Variants in SHC4 observed in about 807,000 individuals in gnomAD.
SHC4 encodes SHC-transforming protein 4.
SHC4 carries 41 observed loss-of-function variants against 69.4 expected under a neutral mutation model. The ratio of observed to expected loss-of-function variants is 0.59; its 90% confidence interval spans 0.46 to 0.77. The LOEUF (loss-of-function observed/expected upper bound fraction) is 0.77, where lower values mean the gene tolerates loss of function less well. Among genes scored for constraint, SHC4 ranks in the 30% least tolerant of loss-of-function variants. SHC4 has a pLI of 0.00. For missense variants in SHC4, 777 were observed against 783.8 expected (o/e 0.99, Z 0.10); for synonymous variants, 318 against 299.3 (o/e 1.06, Z -0.64).
chr15:48,962,791 C>T lies in SHC4; in HGVS notation c.225G>A (p.Pro75=), dbSNP rs760030432. The T allele has an allele frequency of 1.2e-6, 2 of 1,611,262 alleles. No individual in the cohort carries two copies. The highest frequency in any genetic ancestry group is 1.7e-6 in the Non-Finnish European group (2 of 1,179,308). ...ACAGTGGGGTGGGGCTCTCCTGCGA[C>T]GGCAAGGTGGCATCTTCAGTCGGCA... is the stretch of plus-strand genomic sequence containing the variant. The part of the protein sequence containing the change: ...PHLPTEDATL[P]SQESPTPLCT... The change falls in exon 1 of 12, where the codon CCG becomes CCA. Residue 75 remains proline (P), a synonymous_variant. Coordinates refer to ENST00000332408, the MANE Select transcript of SHC4 (RefSeq NM_203349.4).
intron 6 of SHC4, among the ~76,000 whole-genome samples, chr15:48,858,963 T>C (rs1406304951): frequency 1.3e-5 from 2 of 152,192 alleles, no homozygotes; most frequent in African/African-American, 2.4e-5. Context: ...GGAAAGTATC[T>C]TGGGTCTCAG....
At position 48,834,909 on chromosome 15, in the gene SHC4, T is replaced by C; in HGVS notation, c.1597A>G (p.Arg533Gly). Residue 533 changes from arginine (R) to glycine (G), a missense_variant, in exon 11 of 12, where the codon AGG (arginine) becomes GGG (glycine). By Grantham distance (125) the Arg-to-Gly change is moderately radical. Coordinates refer to ENST00000332408, the MANE Select transcript of SHC4 (RefSeq NM_203349.4). Reference sequence around the variant, plus strand: ...ACCAAGAGGCTCTCTGCCGCCTTCCTGCTCAGCTTGCCATGATAGCATTCT... The same window carrying C: ...ACCAAGAGGCTCTCTGCCGCCTTCCCGCTCAGCTTGCCATGATAGCATTCT... ...SEECYHGKLS[R>G]KAAESLLVKD... 1.2e-6 allele frequency: 2 copies of C among 1,614,110 alleles called. No homozygotes were observed. The highest frequency in any genetic ancestry group is 1.7e-6 in the Non-Finnish European group (2 of 1,180,006).
chr15:48,835,127 A>T, intron 10 of SHC4, 105 bp from the exon 11 acceptor site: 2 of 1,384,030 alleles, frequency 1.4e-6, no homozygotes, highest in Non-Finnish European at 1.9e-6. Flanking sequence ...ACTGTGTGCC[A>T]GCCATTGTTT....
chr15:48,873,596 T>A (rs1010285405), intron 4 of SHC4, among the ~76,000 whole-genome samples: 3 of 152,038 alleles, frequency 2.0e-5, no homozygotes, highest in African/African-American at 7.2e-5. Context: ...TACAAAAAAT[T>A]AGCTGGGCGT....
intron 11 of SHC4, among the ~76,000 whole-genome samples, chr15:48,828,121 A>G (rs200945268): frequency 0.14 from 17,590 of 124,082 alleles, 1,284 homozygotes; most frequent in East Asian, 0.33. Flanking sequence ...GTGTGTATAT[A>G]TATATATATA....
intron 6 of SHC4, among the ~76,000 whole-genome samples, chr15:48,859,084 T>C (rs1899386313): frequency 1.3e-5 from 2 of 152,216 alleles, no homozygotes; most frequent in Admixed American, 6.5e-5. Context: ...CATGATTTTA[T>C]GCTTTGCATT....
At chr15:48,837,077 C>G (rs1321969755) in intron 10 of SHC4, among the ~76,000 whole-genome samples, 1 of 152,158 alleles carries the variant, frequency 6.6e-6, no homozygotes, top group Non-Finnish European at 1.5e-5. Flanking sequence ...GGAATGCATG[C>G]ACGCAGTGTG....
chr15:48,913,451 C>T (rs1900549628), intron 2 of SHC4, among the ~76,000 whole-genome samples: 1 of 152,120 alleles, frequency 6.6e-6, no homozygotes, highest in South Asian at 2.1e-4. Context: ...CCGTGCTCTC[C>T]CCAATAGCCC....
chr15:48,948,901 G>T (rs1415750886), intron 1 of SHC4, among the ~76,000 whole-genome samples: 3 of 152,014 alleles, frequency 2.0e-5, no homozygotes, highest in African/African-American at 7.3e-5. Context: ...GCGAGACCTT[G>T]TCTCAAAAAA....
chr15:48,839,257 C>A (rs1189836816), intron 10 of SHC4, among the ~76,000 whole-genome samples: 2 of 152,174 alleles, frequency 1.3e-5, no homozygotes, highest in South Asian at 2.1e-4. Context: ...TGGAATCCTG[C>A]CAAGTTTTCA....
intron 2 of SHC4, among the ~76,000 whole-genome samples, chr15:48,891,153 G>A (rs890723150): frequency 6.6e-6 from 1 of 152,094 alleles, no homozygotes; most frequent in East Asian, 1.9e-4. Context: ...GAAATACTTC[G>A]CAGTTTTATC....
chr15:48,871,107 G>T (rs1899667814), intron 5 of SHC4, among the ~76,000 whole-genome samples: 1 of 152,162 alleles, frequency 6.6e-6, no homozygotes, highest in Non-Finnish European at 1.5e-5. Context: ...GTGGTGGATA[G>T]AAAACAATCA....
chr15:48,937,753 C>T (rs2141031743), intron 1 of SHC4, among the ~76,000 whole-genome samples: 1 of 152,260 alleles, frequency 6.6e-6, no homozygotes, highest in East Asian at 1.9e-4. Flanking sequence ...AGTGACTTGA[C>T]AAAAGATTGC....
Position 48,851,198 on chromosome 15 carries a change from G to C in SHC4, c.1293C>G (p.Ser431Arg), listed in dbSNP as rs1786639479. 1 of 1,614,034 alleles carries C rather than the reference G, an allele frequency of 6.2e-7. No homozygotes were observed. The highest frequency in any genetic ancestry group is 8.5e-7 in the Non-Finnish European group (1 of 1,179,932). Reference protein sequence around the residue: ...SSVYENCLEQSRAIGNVHPRG... With the variant: ...SSVYENCLEQRRAIGNVHPRG... ...GGGCATTGTACCTACCTATTGCCCT[G>C]CTTTGTTCTAAACAGTTCTCATATA... The change falls in exon 9 of 12, where the codon AGC (serine) becomes AGG (arginine). Residue 431 changes from serine (S) to arginine (R), a missense_variant. Transcript: ENST00000332408.
chr15:48,892,552 A>G (rs568450635), intron 2 of SHC4, among the ~76,000 whole-genome samples: 1 of 152,276 alleles, frequency 6.6e-6, no homozygotes, highest in East Asian at 1.9e-4. Flanking sequence ...AATAATTGAT[A>G]AGACTCATAT....
intron 2 of SHC4, among the ~76,000 whole-genome samples, chr15:48,893,326 GAATA>G (rs2141007349): frequency 6.6e-6 from 1 of 152,302 alleles, no homozygotes; most frequent in East Asian, 1.9e-4. Context: ...GTAGAAGAGT[GAATA>G]TTAACTAAGA....
At chr15:48,852,520 G>A (rs548585688) in intron 8 of SHC4, among the ~76,000 whole-genome samples, 2 of 152,116 alleles carry the variant, frequency 1.3e-5, no homozygotes, top group Non-Finnish European at 2.9e-5. Flanking sequence ...GAAAATGTGA[G>A]AAAATGAAAG....
At chr15:48,842,089 C>T (rs1293893913) in intron 10 of SHC4, among the ~76,000 whole-genome samples, 1 of 152,182 alleles carries the variant, frequency 6.6e-6, no homozygotes, top group Non-Finnish European at 1.5e-5. Flanking sequence ...AACAAAACAA[C>T]TTCAATATTT....
intron 1 of SHC4, among the ~76,000 whole-genome samples, chr15:48,959,318 A>G (rs545269891): frequency 6.0e-4 from 92 of 152,246 alleles, no homozygotes; most frequent in African/African-American, 2.1e-3. Flanking sequence ...ATTCAATTGA[A>G]CCTATCTCCG....
Sources: gnomAD v4.1 joint callset for allele counts (sites outside exome capture counted in the v4.1 genomes callset) on GRCh38, gnomAD v4.1.1 for gene constraint, MANE v1.5 for transcripts, NCBI Gene and HGNC (gene_info 2026-07-23, HGNC 2026-07-21) for gene names.